Variants in RBFOX1 observed in about 807,000 individuals in gnomAD.
RBFOX1 encodes RNA binding fox-1 homolog 1.
RBFOX1 carries 8 observed loss-of-function variants against 57.7 expected under a neutral mutation model. The ratio of observed to expected loss-of-function variants is 0.14; its 90% CI spans 0.08 to 0.25. The LOEUF is 0.25. RBFOX1 is among the 10% of genes least tolerant of loss of function. The pLI is 1.00. For synonymous variants in RBFOX1, 326 were observed against 222.4 expected, an observed-to-expected ratio of 1.47 and a Z score of -4.15; for missense variants, 611 against 548.5, an observed-to-expected ratio of 1.11 and a Z score of -1.14.
chr16:6,675,993 G>A (rs368237399), intron 3 of RBFOX1, among the ~76,000 whole-genome samples: 6 of 152,078 alleles, frequency 3.9e-5, no homozygotes, highest in African/African-American at 1.4e-4. Flanking sequence ...CACCAAGGGC[G>A]ATGGGAGAGG....
chr16:5,504,085 C>T (rs533017926), intron 2 of RBFOX1, among the ~76,000 whole-genome samples: 1 of 152,214 alleles, frequency 6.6e-6, no homozygotes, highest in Non-Finnish European at 1.5e-5. Context: ...CTCCAGAGGG[C>T]GATGGCTGGG....
At chr16:7,442,732 C>T (rs374099134) in intron 4 of RBFOX1, among the ~76,000 whole-genome samples, 1 of 152,124 alleles carries the variant, frequency 6.6e-6, no homozygotes, top group Non-Finnish European at 1.5e-5. Context: ...TCTTGTCAAC[C>T]GGAACGAGAA....
At chr16:7,085,896 G>T (rs2059916314) in intron 4 of RBFOX1, among the ~76,000 whole-genome samples, 1 of 152,192 alleles carries the variant, frequency 6.6e-6, no homozygotes, top group Non-Finnish European at 1.5e-5. Flanking sequence ...AACCAGGATG[G>T]TTGGTGATTC....
chr16:6,132,900 G>T (rs2096639430), intron 1 of RBFOX1, among the ~76,000 whole-genome samples: 1 of 151,050 alleles, frequency 6.6e-6, no homozygotes, highest in Middle Eastern at 3.4e-3. Context: ...AGGAGGCAGA[G>T]GTCGCAGTGA....
At chr16:5,372,637 G>A (rs1263134104) in intron 1 of RBFOX1, among the ~76,000 whole-genome samples, 2 of 152,218 alleles carry the variant, frequency 1.3e-5, no homozygotes, top group South Asian at 2.1e-4. Flanking sequence ...TATCGTGGCA[G>A]CTTCATCCAA....
intron 3 of RBFOX1, among the ~76,000 whole-genome samples, chr16:6,846,881 T>C (rs749365767): frequency 8.6e-5 from 13 of 151,110 alleles, no homozygotes; most frequent in Non-Finnish European, 1.9e-4. Context: ...TGGAAGAAAA[T>C]TACAAAGGGA....
chr16:5,268,151 A>G (rs1261138377), intron 1 of RBFOX1, among the ~76,000 whole-genome samples: 1 of 152,134 alleles, frequency 6.6e-6, no homozygotes, highest in African/African-American at 2.4e-5. Flanking sequence ...TAAGAGCCCA[A>G]GGTCTGGCTG....
intron 4 of RBFOX1, among the ~76,000 whole-genome samples, chr16:7,169,728 C>T (rs1407419289): frequency 6.6e-6 from 1 of 152,174 alleles, no homozygotes; most frequent in Non-Finnish European, 1.5e-5. Context: ...TGATACAGAG[C>T]ATTAATTCAT....
Position 7,490,851 on chromosome 16 carries a change from C to T in RBFOX1, c.28-27296C>T, listed in dbSNP as rs189311642. ...TACCCAGAAACAGCACCTGCTGTTA[C>T]TCTCTGATTCTCATTGTTTTGCTCT... On this transcript the variant is annotated intron_variant, in intron 4 of 15. Transcript: ENST00000550418. Among the ~76,000 whole-genome samples the T allele has an allele frequency of 7.9e-5, 12 of 152,292 alleles. No homozygotes were observed. In the East Asian group the frequency reaches 9.6e-4, roughly 12 times the overall value.
At chr16:6,558,480 C>T (rs1044774006) in intron 2 of RBFOX1, among the ~76,000 whole-genome samples, 1 of 152,036 alleles carries the variant, frequency 6.6e-6, no homozygotes, top group South Asian at 2.1e-4. Flanking sequence ...AACTGTATGA[C>T]TTGAGTCATC....
chr16:7,317,574 T>C (rs73561849), intron 4 of RBFOX1, among the ~76,000 whole-genome samples: 4,594 of 152,164 alleles, frequency 0.03, 144 homozygotes, highest in African/African-American at 0.082. Flanking sequence ...ACCAGCTTGG[T>C]AAGGTGCTCT....
chr16:5,941,814 C>T lies in RBFOX1; in HGVS notation c.351+74479C>T, dbSNP rs117262195. On this transcript the variant is annotated intron_variant, in intron 4 of 19. Coordinates refer to the RBFOX1 transcript ENST00000641259. ...ACTGGGTCTCAAGTATGTCTTGCTC[C>T]GTGCGAAATAGACAAGAGAGCCAGC... Among the ~76,000 whole-genome samples the T allele has an allele frequency of 4.8e-3, 731 of 151,942 alleles. 3 individuals are homozygous for T. Among genetic ancestry groups the T allele is most frequent in the Non-Finnish European group, 7.5e-3 (512 of 67,968 alleles).
chr16:6,014,980 C>A (rs773461786), upstream of RBFOX1, among the ~76,000 whole-genome samples: 1 of 151,916 alleles, frequency 6.6e-6, no homozygotes, highest in African/African-American at 2.4e-5. Context: ...CTCAGCCTCC[C>A]AAGTAGCTGA....
chr16:6,565,317 C>T (rs1037186784), intron 2 of RBFOX1, among the ~76,000 whole-genome samples: 2 of 151,506 alleles, frequency 1.3e-5, no homozygotes, highest in East Asian at 2.0e-4. Context: ...AGCTCAGTGG[C>T]GCGATCTTGG....
chr16:7,001,791 G>C (rs1347513543), intron 3 of RBFOX1, among the ~76,000 whole-genome samples: 1 of 152,052 alleles, frequency 6.6e-6, no homozygotes. Context: ...TCAGAACCAG[G>C]AGGCAGCTCA....
At chr16:6,736,012 T>C (rs1260430831) in intron 3 of RBFOX1, among the ~76,000 whole-genome samples, 27 of 133,130 alleles carry the variant, frequency 2.0e-4, no homozygotes, top group African/African-American at 7.3e-4. Flanking sequence ...CTTCTTCTTT[T>C]TGAAAGGGAT....
intron 1 of RBFOX1, among the ~76,000 whole-genome samples, chr16:6,178,175 CTCTTT>C (rs2097028816): frequency 1.5e-5 from 2 of 133,296 alleles, no homozygotes; most frequent in Non-Finnish European, 3.2e-5. Context: ...CCAAAGGTCA[CTCTTT>C]TTTTTTTTTT....
chr16:5,307,607 C>G (rs539852067), intron 1 of RBFOX1, among the ~76,000 whole-genome samples: 1 of 152,324 alleles, frequency 6.6e-6, no homozygotes, highest in Non-Finnish European at 1.5e-5. Flanking sequence ...CTCACACACA[C>G]CGGGAATTGT....
At chr16:7,424,084 C>T (rs2098579231) in intron 4 of RBFOX1, among the ~76,000 whole-genome samples, 1 of 152,118 alleles carries the variant, frequency 6.6e-6, no homozygotes, top group Admixed American at 6.5e-5. Context: ...TTGGTTTATT[C>T]TGAGTCTCTT....
Sources: gnomAD v4.1 joint callset for allele counts (sites outside exome capture counted in the v4.1 genomes callset) on GRCh38, gnomAD v4.1.1 for gene constraint, MANE v1.5 for transcripts, NCBI Gene and HGNC (gene_info 2026-07-23, HGNC 2026-07-21) for gene names.